Variants in UNC5C observed in about 807,000 individuals in gnomAD.
The protein encoded by UNC5C is netrin receptor UNC5C.
Under a neutral mutation model 99.8 loss-of-function variants are expected in UNC5C, and 47 were observed. The observed-to-expected ratio is 0.47, with a 90% CI of 0.37 to 0.60. The LOEUF (loss-of-function observed/expected upper bound fraction) is 0.60, where lower values mean the gene tolerates loss of function less well. UNC5C is among the 20% of genes least tolerant of loss of function. The pLI, the probability that UNC5C is intolerant of heterozygous loss-of-function variation, is 0.00. For synonymous variants in UNC5C, 487 were observed against 452.2 expected (o/e 1.08, Z -0.98); for missense variants, 1,062 against 1,165.9 (o/e 0.91, Z 1.30).
At chr4:95,211,122 T>G (rs1188732093) in intron 10 of UNC5C, among the ~76,000 whole-genome samples, 1 of 152,210 alleles carries the variant, frequency 6.6e-6, no homozygotes, top group Admixed American at 6.5e-5. Context: ...AAGGAAAGAA[T>G]CTGTCTCCAT....
chr4:95,352,497 CT>C (rs1380009808), intron 1 of UNC5C, among the ~76,000 whole-genome samples: 1 of 152,084 alleles, frequency 6.6e-6, no homozygotes, highest in Non-Finnish European at 1.5e-5. Flanking sequence ...CTCAAATTTG[CT>C]TGTTTACTAA....
rs1177422466 is a variant in UNC5C, at chr4:95,328,500, A to G, written c.346+6910T>C. On this transcript the variant is annotated intron_variant, in intron 2 of 15. Transcript: ENST00000453304. ...TTTGGGTTGGTTCCAAGTCTTTGCTATTGTGAATAATGCCTCAATAAACAT... is the reference window on the plus strand; with the variant it reads ...TTTGGGTTGGTTCCAAGTCTTTGCTGTTGTGAATAATGCCTCAATAAACAT... Among the ~76,000 whole-genome samples, 87 of 138,218 alleles carry G rather than the reference A, an allele frequency of 6.3e-4. 1 individual carries two copies. The highest frequency in any genetic ancestry group is 3.5e-3 in the Middle Eastern group (1 of 284). 90.7% of individuals were successfully genotyped at this position (138,218 alleles called of 152,430 possible). A position where few individuals can be genotyped will look rare whatever the true frequency, so the allele number is the denominator to read the frequency against.
At chr4:95,341,784 A>T (rs10013989) in intron 1 of UNC5C, among the ~76,000 whole-genome samples, 60,761 of 152,000 alleles carry the variant, frequency 0.4, 13,819 homozygotes, top group East Asian at 0.84. Flanking sequence ...TTGAATTGTT[A>T]ATGTCACCAC....
At chr4:95,295,837 C>A (rs1211086493) in intron 3 of UNC5C, among the ~76,000 whole-genome samples, 1 of 152,248 alleles carries the variant, frequency 6.6e-6, no homozygotes, top group African/African-American at 2.4e-5. Context: ...ATAATCCCAG[C>A]ACTTTGGGAG....
At chr4:95,401,709 C>T (rs1373116948) in intron 1 of UNC5C, among the ~76,000 whole-genome samples, 1 of 152,166 alleles carries the variant, frequency 6.6e-6, no homozygotes, top group Non-Finnish European at 1.5e-5. Context: ...TGAGTCAGAG[C>T]CCCTACTTGG....
chr4:95,214,870 C>G (rs377731212), intron 10 of UNC5C, among the ~76,000 whole-genome samples: 1 of 152,070 alleles, frequency 6.6e-6, no homozygotes, highest in Non-Finnish European at 1.5e-5. Flanking sequence ...AAGAAGGGAG[C>G]TTTGAGGGCC....
chr4:95,292,399 A>AT (rs1180521076), intron 3 of UNC5C, among the ~76,000 whole-genome samples: 1 of 151,630 alleles, frequency 6.6e-6, no homozygotes, highest in African/African-American at 2.4e-5. Context: ...CCTCCCGGAG[A>AT]TTACATATAT....
At chr4:95,404,497 T>A (rs1004296001) in intron 1 of UNC5C, among the ~76,000 whole-genome samples, 6 of 152,130 alleles carry the variant, frequency 3.9e-5, no homozygotes, top group African/African-American at 1.4e-4. Flanking sequence ...TATAAATAGT[T>A]TTTTGCCTGT....
intron 8 of UNC5C, 138 bp downstream of exon 8, chr4:95,219,847 C>CA: frequency 1.2e-6 from 1 of 844,718 alleles, no homozygotes; most frequent in Non-Finnish European, 1.8e-6. Flanking sequence ...GACATCAATA[C>CA]AGTAATGAAC....
At chr4:95,237,405 T>G (rs2149376185) in intron 7 of UNC5C, among the ~76,000 whole-genome samples, 1 of 152,356 alleles carries the variant, frequency 6.6e-6, no homozygotes, top group East Asian at 1.9e-4. Flanking sequence ...CACATTTGTT[T>G]AACATTTAGC....
chr4:95,390,504 G>A (rs1244705421), intron 1 of UNC5C, among the ~76,000 whole-genome samples: 3 of 151,918 alleles, frequency 2.0e-5, no homozygotes, highest in African/African-American at 7.3e-5. Context: ...GCAAACAAAT[G>A]AAATGTGTCC....
intron 4 of UNC5C, among the ~76,000 whole-genome samples, chr4:95,258,783 C>T (rs1458392979): frequency 2.8e-5 from 2 of 71,932 alleles, no homozygotes; most frequent in East Asian, 1.7e-3. Context: ...GAGACGGAGT[C>T]TCGCTCTGTC....
At chr4:95,284,622 A>G (rs1010497802) in intron 3 of UNC5C, among the ~76,000 whole-genome samples, 11 of 152,182 alleles carry the variant, frequency 7.2e-5, no homozygotes, top group African/African-American at 2.7e-4. Context: ...TTGGTATTTA[A>G]AAAAATTAGC....
chr4:95,455,952 T>C (rs11729773), intron 1 of UNC5C, among the ~76,000 whole-genome samples: 16,989 of 152,146 alleles, frequency 0.11, 1,025 homozygotes, highest in Non-Finnish European at 0.14. Flanking sequence ...AGATTAAATT[T>C]ACCAGTGTCT....
At chr4:95,367,121 C>A (rs1744597149) in intron 1 of UNC5C, among the ~76,000 whole-genome samples, 1 of 151,990 alleles carries the variant, frequency 6.6e-6, no homozygotes, top group Non-Finnish European at 1.5e-5. Flanking sequence ...TTAACATATC[C>A]CCAAATCATA....
intron 1 of UNC5C, among the ~76,000 whole-genome samples, chr4:95,364,532 G>A (rs2149436214): frequency 6.6e-6 from 1 of 152,290 alleles, no homozygotes; most frequent in Middle Eastern, 3.4e-3. Context: ...AGAACCAAAT[G>A]TGTGGCACCC....
At chr4:95,435,401 C>T (rs1478087820) in intron 1 of UNC5C, among the ~76,000 whole-genome samples, 1 of 152,040 alleles carries the variant, frequency 6.6e-6, no homozygotes, top group Non-Finnish European at 1.5e-5. Flanking sequence ...GTTAGAGTGC[C>T]TGTCTCTCAG....
chr4:95,172,962 C>T (rs1469487036), intron 14 of UNC5C, among the ~76,000 whole-genome samples: 135 of 151,032 alleles, frequency 8.9e-4, no homozygotes, highest in African/African-American at 2.9e-3. Flanking sequence ...TCATGTCCCT[C>T]GTAAGTTGGA....
At chr4:95,190,827 G>A (rs1737055833) in intron 12 of UNC5C, among the ~76,000 whole-genome samples, 1 of 152,228 alleles carries the variant, frequency 6.6e-6, no homozygotes, top group Non-Finnish European at 1.5e-5. Context: ...TGCGGGCGCT[G>A]CCTCCAAAGC....
Sources: allele counts gnomAD v4.1 joint callset (sites outside exome capture counted in the v4.1 genomes callset), GRCh38; gene constraint gnomAD v4.1.1; transcripts MANE v1.5; gene names NCBI Gene and HGNC (gene_info 2026-07-23, HGNC 2026-07-21).